Variants in ZNRF3 observed in about 807,000 individuals in gnomAD.
The protein encoded by ZNRF3 is E3 ubiquitin-protein ligase ZNRF3.
Under a neutral mutation model 72.5 loss-of-function variants are expected in ZNRF3, and 23 were observed. That is an observed-to-expected ratio of 0.32 (90% CI 0.23 to 0.45). The LOEUF is 0.45. ZNRF3 is among the 20% of genes least tolerant of loss of function. ZNRF3 has a pLI of 1.00. For missense variants in ZNRF3, 1,169 were observed against 1,272.1 expected, an observed-to-expected ratio of 0.92 and a Z score of 1.23; for synonymous variants, 610 against 545.3, an observed-to-expected ratio of 1.12 and a Z score of -1.65.
chr22:29,053,796 C>G lies in ZNRF3; in HGVS notation c.*174C>G, dbSNP rs1364258021. The G allele has an allele frequency of 1.6e-5, 9 of 566,922 alleles. No homozygotes were observed. In the East Asian group the frequency reaches 2.6e-4, roughly 17 times the overall value. The allele number at this position is 566,922 out of a possible 1,614,324, so 35.1% of individuals were successfully genotyped here. On this transcript the variant is annotated 3_prime_UTR_variant, in exon 9 of 9. Coordinates refer to ENST00000544604, the MANE Select transcript of ZNRF3 (RefSeq NM_001206998.2). ...TGAGCCCCCTGTGGCAAAACCACCC[C>G]CTACCCCATTAACAAATCAACAGAC... is the stretch of plus-strand genomic sequence containing the variant.
Position 29,049,497 on chromosome 22 carries a change from C to T in ZNRF3, c.1316C>T (p.Ala439Val), listed in dbSNP as rs2037141491. The T allele has an allele frequency of 4.4e-6, 7 of 1,604,928 alleles. No individual in the cohort carries two copies. The highest frequency in any genetic ancestry group is 5.9e-6 in the Non-Finnish European group (7 of 1,179,640). ...CACCGCTGCGGCCTGGAGCACCGGG[C>T]CTACTCCCCAGCCCACCCCTTCCGC... ...AAHRCGLEHRAYSPAHPFRRP... is the reference protein window; with the variant it reads ...AAHRCGLEHRVYSPAHPFRRP... The change falls in exon 8 of 9, where the codon GCC (alanine) becomes GTC (valine). Residue 439 changes from alanine (A) to valine (V), a missense_variant. Around this residue, in one of 2 missense-constraint regions of ZNRF3, gnomAD observed 783 missense variants for 731.4 expected, o/e 1.07. Coordinates refer to ENST00000544604, the MANE Select transcript of ZNRF3 (RefSeq NM_001206998.2). The surrounding 1 kb of genome is among the most constrained non-coding windows in gnomAD (Gnocchi z 5.2).
intron 1 of ZNRF3, among the ~76,000 whole-genome samples, chr22:28,937,809 G>A (rs185936794): frequency 1.3e-5 from 2 of 152,262 alleles, no homozygotes; most frequent in Non-Finnish European, 1.5e-5. Context: ...TACATATGTG[G>A]ACATATTTTT....
At position 29,048,008 on chromosome 22, in the gene ZNRF3, A is replaced by C. The variant is rs2037105477; in HGVS notation, c.913-381A>C. Among the ~76,000 whole-genome samples the C allele has an allele frequency of 6.6e-6, 1 of 152,150 alleles. No homozygotes were observed. Among genetic ancestry groups the C allele is most frequent in the African/African-American group, 2.4e-5 (1 of 41,424 alleles). On this transcript the variant is annotated intron_variant, in intron 6 of 8. Transcript: ENST00000544604. The surrounding 1 kb of genome is among the most constrained non-coding windows in gnomAD (Gnocchi z 4.9). ...GGGACAGCCAGCACCTCAGAGATGC[A>C]GAATATCTTGGGGTATACCTGGCCC...
At chr22:29,031,636 G>A (rs1033356112) in intron 2 of ZNRF3, 2 of 985,280 alleles carry the variant, frequency 2.0e-6, no homozygotes, top group African/African-American at 3.5e-5. Context: ...TGAGGAGTAA[G>A]GATTTAAAAT....
chr22:29,036,352 G>C (rs2123876476), intron 2 of ZNRF3, among the ~76,000 whole-genome samples: 1 of 152,276 alleles, frequency 6.6e-6, no homozygotes, highest in Middle Eastern at 3.4e-3. Context: ...TAGTTTTATG[G>C]AAAAGGTTAC....
chr22:29,003,291 C>T (rs144948269), intron 2 of ZNRF3, among the ~76,000 whole-genome samples: 1,987 of 151,944 alleles, frequency 0.013, 44 homozygotes, highest in African/African-American at 0.045. Flanking sequence ...CCAAGGTGGG[C>T]GGATCACGAG....
chr22:29,008,521 C>T (rs1327622270), intron 2 of ZNRF3, among the ~76,000 whole-genome samples: 2 of 152,160 alleles, frequency 1.3e-5, no homozygotes, highest in Admixed American at 6.5e-5. Context: ...CTGATTCACT[C>T]GAACTTTTTT....
chr22:28,911,916 G>A (rs144569890), intron 1 of ZNRF3, among the ~76,000 whole-genome samples: 1 of 152,286 alleles, frequency 6.6e-6, no homozygotes, highest in Non-Finnish European at 1.5e-5. Context: ...CCTTACTGCG[G>A]CTTCCCCCAA....
At chr22:28,958,129 A>G (rs2123801050) in intron 1 of ZNRF3, among the ~76,000 whole-genome samples, 1 of 152,344 alleles carries the variant, frequency 6.6e-6, no homozygotes, top group East Asian at 1.9e-4. Context: ...CAGAGTTTGC[A>G]GTGAGCTGAG....
intron 1 of ZNRF3, among the ~76,000 whole-genome samples, chr22:28,889,809 T>G (rs1437186501): frequency 6.6e-6 from 1 of 152,082 alleles, no homozygotes; most frequent in Non-Finnish European, 1.5e-5. Context: ...GAAAGCAGAG[T>G]ATAGTTCCGT....
intron 1 of ZNRF3, among the ~76,000 whole-genome samples, chr22:28,937,681 G>A (rs1294029709): frequency 6.6e-6 from 1 of 152,066 alleles, no homozygotes; most frequent in African/African-American, 2.4e-5. Context: ...CAGCTGACCT[G>A]GCAACCACCC....
chr22:28,891,602 A>G (rs1187306521), intron 1 of ZNRF3, among the ~76,000 whole-genome samples: 3 of 152,370 alleles, frequency 2.0e-5, no homozygotes, highest in Middle Eastern at 3.4e-3. Context: ...TGAGCAAGTC[A>G]TTAGTGCAGC....
intron 1 of ZNRF3, among the ~76,000 whole-genome samples, chr22:28,972,866 A>G (rs555226172): frequency 3.3e-5 from 5 of 152,346 alleles, no homozygotes; most frequent in Admixed American, 3.3e-4. Flanking sequence ...ACATTTGCAT[A>G]TCTCTTGGAG....
At chr22:29,027,999 A>G (rs745689609) in intron 2 of ZNRF3, among the ~76,000 whole-genome samples, 2 of 152,146 alleles carry the variant, frequency 1.3e-5, no homozygotes, top group Non-Finnish European at 1.5e-5. Context: ...AAGGGATTTG[A>G]TTCTGTAGCT....
intron 1 of ZNRF3, among the ~76,000 whole-genome samples, chr22:28,956,178 G>A (rs1265998231): frequency 6.6e-6 from 1 of 152,024 alleles, no homozygotes; most frequent in Admixed American, 6.6e-5. Context: ...CTGCTTTCTG[G>A]GATGGGAGTA....
At chr22:28,899,517 T>A (rs1472267812) in intron 1 of ZNRF3, among the ~76,000 whole-genome samples, 4 of 152,192 alleles carry the variant, frequency 2.6e-5, no homozygotes, top group East Asian at 3.9e-4. Context: ...CCAACCTTGT[T>A]TTTGGAAGGG....
Position 28,987,062 on chromosome 22 carries a change from A to G in ZNRF3, c.301-14A>G, listed in dbSNP as rs1473160244. The G allele has an allele frequency of 1.9e-6, 3 of 1,602,188 alleles. No homozygotes were observed. The highest frequency in any genetic ancestry group is 2.6e-6 in the Non-Finnish European group (3 of 1,175,148). ...GCTTGCCTGCTGAAGTTTTCTTTCC[A>G]TTTTATTTCCTAGATGCACCCACTG... On this transcript the variant is annotated splice_polypyrimidine_tract_variant and intron_variant, in intron 1 of 8. Transcript: ENST00000544604.
chr22:29,015,074 G>A (rs993144251), intron 2 of ZNRF3, among the ~76,000 whole-genome samples: 1 of 152,158 alleles, frequency 6.6e-6, no homozygotes, highest in African/African-American at 2.4e-5. Context: ...ATAAGTATTA[G>A]TATCTGCCTC....
intron 1 of ZNRF3, among the ~76,000 whole-genome samples, chr22:28,888,304 G>A (rs1162613791): frequency 1.3e-5 from 2 of 152,154 alleles, no homozygotes; most frequent in African/African-American, 4.8e-5. Context: ...TTTAGCATTT[G>A]ATCAAACACT....
Sources: allele counts gnomAD v4.1 joint callset (sites outside exome capture counted in the v4.1 genomes callset), GRCh38; gene constraint gnomAD v4.1.1; regional missense constraint gnomAD v4.1.1; non-coding constraint Gnocchi (gnomAD v3.1); transcripts MANE v1.5; gene names NCBI Gene and HGNC (gene_info 2026-07-23, HGNC 2026-07-21).